The following SPAG16 variants were observed in gnomAD, a reference collection of about 807,000 sequenced individuals.
The protein encoded by SPAG16 is sperm associated antigen 16.
A neutral mutation model predicts 80.4 loss-of-function variants in SPAG16; 86 were observed. That is an observed-to-expected ratio of 1.07 (90% confidence interval 0.90 to 1.28). SPAG16 has a LOEUF of 1.28. Among genes scored for constraint, SPAG16 ranks in the 50% most tolerant of loss-of-function variants. The probability of loss-of-function intolerance (pLI) is 0.00; values close to 1 mark genes in which losing one functional copy is unlikely to be tolerated. For missense variants in SPAG16, 870 were observed against 765.3 expected (o/e 1.14, Z -1.61); for synonymous variants, 294 against 265.9 (o/e 1.11, Z -1.03).
chr2:214,001,621 C>T (rs1559677810), intron 12 of SPAG16, among the ~76,000 whole-genome samples: 2 of 152,116 alleles, frequency 1.3e-5, no homozygotes, highest in African/African-American at 2.4e-5. Flanking sequence ...CTCTTACTGT[C>T]CTTTATAATA....
intron 9 of SPAG16, among the ~76,000 whole-genome samples, chr2:213,416,547 T>C (rs990644147): frequency 2.4e-5 from 2 of 82,248 alleles, no homozygotes; most frequent in African/African-American, 1.0e-4. Context: ...ACTTGACTTG[T>C]TTTTTCTTTT....
chr2:213,887,512 A>AATT (rs2076606253), intron 11 of SPAG16, among the ~76,000 whole-genome samples: 1 of 151,950 alleles, frequency 6.6e-6, no homozygotes, highest in African/African-American at 2.4e-5. Context: ...CTATCAGGTG[A>AATT]TGAAACATGT....
chr2:213,543,214 A>G (rs2076511323), intron 10 of SPAG16, among the ~76,000 whole-genome samples: 1 of 152,082 alleles, frequency 6.6e-6, no homozygotes, highest in Admixed American at 6.5e-5. Context: ...GAAATTGGTT[A>G]GGTTGAGCAT....
At chr2:213,875,383 G>A (rs2076103408) in intron 11 of SPAG16, among the ~76,000 whole-genome samples, 1 of 152,028 alleles carries the variant, frequency 6.6e-6, no homozygotes, top group Non-Finnish European at 1.5e-5. Context: ...AAAACAGAAT[G>A]GGTCTGAAGA....
At chr2:214,399,079 T>G (rs1701561104) in intron 15 of SPAG16, among the ~76,000 whole-genome samples, 1 of 152,200 alleles carries the variant, frequency 6.6e-6, no homozygotes, top group South Asian at 2.1e-4. Flanking sequence ...TTAGGTATTA[T>G]GCCTGTGGGG....
chr2:214,071,482 G>A (rs2050785031), intron 13 of SPAG16, among the ~76,000 whole-genome samples: 1 of 151,960 alleles, frequency 6.6e-6, no homozygotes, highest in Non-Finnish European at 1.5e-5. Flanking sequence ...GAATATAGGA[G>A]AAAAAGAAAA....
At chr2:213,878,547 GA>G (rs1423507688) in intron 11 of SPAG16, among the ~76,000 whole-genome samples, 1 of 151,944 alleles carries the variant, frequency 6.6e-6, no homozygotes, top group Non-Finnish European at 1.5e-5. Flanking sequence ...GTAAATTCTG[GA>G]TATCATTACC....
intron 15 of SPAG16, among the ~76,000 whole-genome samples, chr2:214,409,099 A>C (rs532597327): frequency 6.6e-6 from 1 of 151,866 alleles, no homozygotes; most frequent in Non-Finnish European, 1.5e-5. Flanking sequence ...AGTTAATGCT[A>C]TTTTCTTTAT....
chr2:213,556,744 G>A (rs1421117232), intron 10 of SPAG16, among the ~76,000 whole-genome samples: 1 of 152,014 alleles, frequency 6.6e-6, no homozygotes, highest in Non-Finnish European at 1.5e-5. Flanking sequence ...AGACCAAATG[G>A]ACAAAACAGA....
rs76706414 is a variant in SPAG16 at position 213,980,035 on chromosome 2, A to C, written c.1401-33916A>C. ...GTATGGCATTGCCTATAGCATCATG[A>C]AAGAACCAGACTTACTGAAATCGCA... On this transcript the variant is annotated intron_variant, in intron 12 of 15. Coordinates refer to ENST00000331683, the MANE Select transcript of SPAG16 (RefSeq NM_024532.5). 9.7e-3 allele frequency among the ~76,000 whole-genome samples: 1,471 copies of C among 151,758 alleles called. 26 individuals are homozygous for C. The highest frequency in any genetic ancestry group is 0.033 in the African/African-American group (1,350 of 41,356).
intron 5 of SPAG16, among the ~76,000 whole-genome samples, chr2:213,333,885 A>G (rs781568925): frequency 1.9e-4 from 29 of 152,088 alleles, no homozygotes; most frequent in Non-Finnish European, 3.8e-4. Flanking sequence ...ACTAAAAGAA[A>G]CTCTCAATGA....
At chr2:214,242,104 C>T (rs2125828286) in intron 15 of SPAG16, among the ~76,000 whole-genome samples, 1 of 152,290 alleles carries the variant, frequency 6.6e-6, no homozygotes, top group Non-Finnish European at 1.5e-5. Context: ...CCCATTAGAA[C>T]AGGGGCTTCA....
At chr2:213,291,155 A>T (rs1261582902) in intron 1 of SPAG16, among the ~76,000 whole-genome samples, 1 of 152,026 alleles carries the variant, frequency 6.6e-6, no homozygotes, top group East Asian at 1.9e-4. Context: ...GACCTATGGT[A>T]TCTGCTGCAT....
intron 15 of SPAG16, among the ~76,000 whole-genome samples, chr2:214,207,419 T>C (rs2058174060): frequency 1.3e-5 from 2 of 152,222 alleles, no homozygotes; most frequent in Admixed American, 1.3e-4. Context: ...TCAGTAAAGA[T>C]ATACCACAAT....
chr2:213,769,673 A>G (rs1414364798), intron 10 of SPAG16, among the ~76,000 whole-genome samples: 2 of 152,152 alleles, frequency 1.3e-5, no homozygotes, highest in South Asian at 2.1e-4. Flanking sequence ...TCACTACCTA[A>G]TATCTTTTAA....
intron 10 of SPAG16, among the ~76,000 whole-genome samples, chr2:213,617,220 A>G (rs1224178800): frequency 6.6e-6 from 1 of 152,146 alleles, no homozygotes; most frequent in Non-Finnish European, 1.5e-5. Context: ...CCCTCCTAAT[A>G]AGACCTAGTC....
intron 10 of SPAG16, among the ~76,000 whole-genome samples, chr2:213,767,388 C>T (rs1183003377): frequency 6.6e-6 from 1 of 152,040 alleles, no homozygotes; most frequent in Non-Finnish European, 1.5e-5. Context: ...TAAATTAAGG[C>T]TGGGTGCAGT....
At chr2:213,679,671 A>G (rs78757257) in intron 10 of SPAG16, among the ~76,000 whole-genome samples, 2,906 of 152,314 alleles carry the variant, frequency 0.019, 83 homozygotes, top group African/African-American at 0.065. Flanking sequence ...AGTTACCTTC[A>G]GTAAAAAGAC....
At chr2:214,395,175 T>C (rs953293045) in intron 15 of SPAG16, among the ~76,000 whole-genome samples, 10 of 152,214 alleles carry the variant, frequency 6.6e-5, no homozygotes, top group African/African-American at 2.4e-4. Context: ...AACATTCTTG[T>C]ACAAGTTTTT....
Sources: allele counts gnomAD v4.1 joint callset (sites outside exome capture counted in the v4.1 genomes callset), GRCh38; gene constraint gnomAD v4.1.1; transcripts MANE v1.5; gene names NCBI Gene and HGNC (gene_info 2026-07-23, HGNC 2026-07-21).